ADAMTS6: variants seen among roughly 807,000 people sequenced by gnomAD.
ADAMTS6 encodes the protein ADAM metallopeptidase with thrombospondin type 1 motif 6.
In ADAMTS6, 23 loss-of-function variants were observed where a neutral mutation model predicts 144.3. The ratio of observed to expected loss-of-function variants is 0.16; its 90% CI spans 0.11 to 0.23. ADAMTS6 has a LOEUF of 0.23. ADAMTS6 is among the 10% of genes least tolerant of loss of function. ADAMTS6 has a pLI of 1.00. For synonymous variants in ADAMTS6, 444 were observed against 457.5 expected (o/e 0.97, Z 0.38); for missense variants, 999 against 1,379.6 (o/e 0.72, Z 4.37).
chr5:65,399,211 G>C (rs532660985), intron 7 of ADAMTS6, among the ~76,000 whole-genome samples: 1 of 152,298 alleles, frequency 6.6e-6, no homozygotes, highest in East Asian at 1.9e-4. Context: ...AGCCGAGATT[G>C]CACCACTGCA....
At chr5:65,154,309 C>T (rs1752290128) in intron 24 of ADAMTS6, among the ~76,000 whole-genome samples, 1 of 152,216 alleles carries the variant, frequency 6.6e-6, no homozygotes, top group South Asian at 2.1e-4. Flanking sequence ...TGCAGAGGCC[C>T]AGAACACAGC....
At chr5:65,187,710 C>T (rs1754757623) in intron 22 of ADAMTS6, among the ~76,000 whole-genome samples, 1 of 152,140 alleles carries the variant, frequency 6.6e-6, no homozygotes, top group South Asian at 2.1e-4. Flanking sequence ...AAATTCTAAA[C>T]TTGTGATGTG....
In ADAMTS6 at chr5:65,253,812, C is replaced by CTTTTTTTTTTT. The variant is rs759508097; in HGVS notation, c.1830+6777_1830+6787dup. ...TAAAGTCTTGCTTACAATATTCAATCTTTTTTTTTTTTTTTTTTTTTTTTT... is the reference window on the plus strand; with the variant it reads ...TAAAGTCTTGCTTACAATATTCAATCTTTTTTTTTTTTTTTTTTTTTTTTTTTTTTTTTTTT... On this transcript the variant is annotated intron_variant, in intron 14 of 24. Transcript: ENST00000381055. 1.3e-4 allele frequency among the ~76,000 whole-genome samples: 9 copies of CTTTTTTTTTTT among 66,962 alleles called. 1 individual carries two copies. The highest frequency in any genetic ancestry group is 5.9e-4 in the African/African-American group (9 of 15,354). 43.9% of individuals were successfully genotyped at this position (66,962 alleles called of 152,430 possible).
intron 18 of ADAMTS6, among the ~76,000 whole-genome samples, chr5:65,223,943 G>A (rs1007107955): frequency 2.0e-5 from 3 of 151,812 alleles, no homozygotes; most frequent in African/African-American, 7.3e-5. Flanking sequence ...GGGACTACAG[G>A]CGCCCACCAC....
At chr5:65,191,581 CT>C (rs1331986266) in intron 21 of ADAMTS6, among the ~76,000 whole-genome samples, 2 of 151,888 alleles carry the variant, frequency 1.3e-5, no homozygotes, top group Non-Finnish European at 2.9e-5. Flanking sequence ...ACAATAATAT[CT>C]TTACTCAAAG....
chr5:65,308,545 C>T (rs1350759789), intron 9 of ADAMTS6, among the ~76,000 whole-genome samples: 13 of 152,220 alleles, frequency 8.5e-5, no homozygotes, highest in Non-Finnish European at 1.5e-5. Flanking sequence ...AGAATTGCAG[C>T]TATTCCACTA....
chr5:65,436,123 G>A lies in ADAMTS6; in HGVS notation c.1073+15352C>T, dbSNP rs141360402. On this transcript the variant is annotated intron_variant, in intron 7 of 24. Transcript: ENST00000381055. ...TCACACCTATAATCCCAGCACTTTG[G>A]GAGAGGCCGAAGAATTGCTTGAGCT... Among the ~76,000 whole-genome samples the A allele has an allele frequency of 5.9e-3, 904 of 152,100 alleles. 4 individuals carry two copies. The highest frequency in any genetic ancestry group is 0.014 in the Middle Eastern group (4 of 294).
At chr5:65,262,769 T>C (rs765922329) in intron 13 of ADAMTS6, 48 bp downstream of exon 13, 14 of 1,467,042 alleles carry the variant, frequency 9.5e-6, no homozygotes, top group Non-Finnish European at 9.0e-6. Context: ...CTTTGAATCA[T>C]TTCCAACTGT....
intron 11 of ADAMTS6, among the ~76,000 whole-genome samples, chr5:65,280,281 G>C (rs192767657): frequency 2.0e-5 from 3 of 152,282 alleles, no homozygotes; most frequent in Middle Eastern, 3.4e-3. Context: ...GCCTCCAATA[G>C]AAACCTCTTT....
chr5:65,376,238 G>A (rs955570487), intron 7 of ADAMTS6, among the ~76,000 whole-genome samples: 1 of 151,982 alleles, frequency 6.6e-6, no homozygotes, highest in Non-Finnish European at 1.5e-5. Flanking sequence ...TTGTGCACAT[G>A]TACCCTAAAA....
intron 4 of ADAMTS6, among the ~76,000 whole-genome samples, chr5:65,455,387 C>G (rs2150255149): frequency 6.6e-6 from 1 of 152,116 alleles, no homozygotes; most frequent in South Asian, 2.1e-4. Context: ...ACTTAAAATA[C>G]AAAAATTAGC....
At chr5:65,411,534 C>T (rs2150183048) in intron 7 of ADAMTS6, among the ~76,000 whole-genome samples, 1 of 152,292 alleles carries the variant, frequency 6.6e-6, no homozygotes, top group East Asian at 1.9e-4. Flanking sequence ...CAGCTGTCTT[C>T]CATTTTTGTG....
chr5:65,360,302 C>T (rs1052847705), intron 7 of ADAMTS6, among the ~76,000 whole-genome samples: 1 of 152,038 alleles, frequency 6.6e-6, no homozygotes, highest in African/African-American at 2.4e-5. Flanking sequence ...AAGAGAACGG[C>T]ACTAGGAGAA....
intron 2 of ADAMTS6, among the ~76,000 whole-genome samples, chr5:65,471,594 A>G (rs1192227450): frequency 7.0e-6 from 1 of 142,766 alleles, no homozygotes; most frequent in African/African-American, 3.1e-5. Context: ...CGCCTCTACT[A>G]AAAATACAAA....
chr5:65,332,164 T>G (rs1746789138), intron 8 of ADAMTS6, among the ~76,000 whole-genome samples: 1 of 151,452 alleles, frequency 6.6e-6, no homozygotes, highest in Admixed American at 6.6e-5. Context: ...TCACTGTATG[T>G]GTGTCTTACC....
chr5:65,200,688 AC>A (rs1431778795), intron 20 of ADAMTS6, among the ~76,000 whole-genome samples: 1 of 152,104 alleles, frequency 6.6e-6, no homozygotes, highest in Non-Finnish European at 1.5e-5. Context: ...ATTCTTAAAC[AC>A]CTAAAGTTAC....
intron 21 of ADAMTS6, among the ~76,000 whole-genome samples, chr5:65,193,567 T>A (rs544285437): frequency 2.6e-5 from 4 of 152,184 alleles, no homozygotes; most frequent in African/African-American, 9.6e-5. Flanking sequence ...AGATTATTTT[T>A]AAAATAATAA....
chr5:65,302,740 T>C (rs963968158), intron 9 of ADAMTS6, among the ~76,000 whole-genome samples: 2 of 152,182 alleles, frequency 1.3e-5, no homozygotes, highest in South Asian at 4.1e-4. Flanking sequence ...AGGTTGATGC[T>C]ACTGTGTTAA....
chr5:65,273,739 G>A (rs1258670857), intron 11 of ADAMTS6, among the ~76,000 whole-genome samples: 1 of 151,780 alleles, frequency 6.6e-6, no homozygotes, highest in Non-Finnish European at 1.5e-5. Flanking sequence ...TAGATGAATA[G>A]GGAGAAAAAA....
Sources: gnomAD v4.1 joint callset for allele counts (sites outside exome capture counted in the v4.1 genomes callset) on GRCh38, gnomAD v4.1.1 for gene constraint, MANE v1.5 for transcripts, NCBI Gene and HGNC (gene_info 2026-07-23, HGNC 2026-07-21) for gene names.